Variants in LONRF3 observed in about 807,000 individuals in gnomAD.
LONRF3 encodes LON peptidase N-terminal domain and RING finger protein 3.
LONRF3 carries 19 observed loss-of-function variants against 51.7 expected under a neutral mutation model. The observed-to-expected ratio is 0.37, with a 90% CI of 0.26 to 0.54. The LOEUF is 0.54. LONRF3 is among the 20% of genes least tolerant of loss of function. The probability of loss-of-function intolerance (pLI) is 0.86; values close to 1 mark genes in which losing one functional copy is unlikely to be tolerated. For missense variants in LONRF3, 521 were observed against 623.9 expected (o/e 0.84, Z 1.76); for synonymous variants, 265 against 257.8 (o/e 1.03, Z -0.27).
At chrX:118,986,310 G>A (rs1179631543) in intron 3 of LONRF3, among the ~76,000 whole-genome samples, 1 of 112,035 alleles carries the variant, frequency 8.9e-6, no homozygotes, top group African/African-American at 3.2e-5. Context: ...GTTGGGAGAA[G>A]AGGGAGGAAG....
intron 6 of LONRF3, among the ~76,000 whole-genome samples, chrX:119,006,661 C>G (rs1426923732): frequency 1.8e-5 from 2 of 111,313 alleles, no homozygotes; most frequent in Non-Finnish European, 3.8e-5. Context: ...GATCTCCACT[C>G]ACTGCAAGCT....
At chrX:118,993,895 C>T (rs1923614052) in intron 5 of LONRF3, among the ~76,000 whole-genome samples, 1 of 111,988 alleles carries the variant, frequency 8.9e-6, no homozygotes, top group African/African-American at 3.2e-5. Context: ...AAAACAATTA[C>T]CAGCCAAGAA....
At chrX:119,007,103 C>G (rs1372088819) in intron 6 of LONRF3, among the ~76,000 whole-genome samples, 3 of 112,487 alleles carry the variant, frequency 2.7e-5, no homozygotes, top group African/African-American at 9.7e-5. Context: ...GCTTTTTATG[C>G]AGTGTAAGTA....
Position 119,012,766 on chromosome X carries a change from T to C in LONRF3, c.1812-273T>C, listed in dbSNP as rs771387922. ...TTACAATAGCAATTAAATTTCAAAATGGGTTGTAGAGGAGGCAAACATTCA... is the reference window on the plus strand; with the variant it reads ...TTACAATAGCAATTAAATTTCAAAACGGGTTGTAGAGGAGGCAAACATTCA... On this transcript the variant is annotated intron_variant, in intron 8 of 10. Coordinates refer to ENST00000371628, the MANE Select transcript of LONRF3 (RefSeq NM_001031855.3). 8.4e-5 allele frequency: 44 copies of C among 524,569 alleles called. No individual in the cohort carries two copies. In the South Asian group the frequency reaches 1.4e-3, roughly 17 times the overall value. 43.2% of individuals were successfully genotyped at this position (524,569 alleles called of 1,213,427 possible). A position where few individuals can be genotyped will look rare whatever the true frequency, so the allele number is the denominator to read the frequency against.
chrX:119,017,663 G>A lies in LONRF3; in HGVS notation c.2253G>A (p.Leu751=), dbSNP rs1176040964. The A allele has an allele frequency of 8.3e-7, 1 of 1,198,327 alleles. No individual in the cohort carries two copies. The highest frequency in any genetic ancestry group is 2.2e-5 in the Admixed American group (1 of 44,639). The change falls in exon 11 of 11, where the codon CTG becomes CTA. Residue 751 remains leucine (L), a synonymous_variant. Transcript: ENST00000371628. ...GACTGAATGGTATTCGACGAGTCCT[G>A]GCCTTCATATCCCGAAACCAAAACT... ...KDRLNGIRRV[L]AFISRNQN
At position 119,000,775 on chromosome X, in the gene LONRF3, TTCTCTCTCTCTC is replaced by T. The variant is rs200671696; in HGVS notation, c.1416-5293_1416-5282del. ...TAAGGATCTTGTCAGTTCACTCTCATTCTCTCTCTCTCTCTCTCTCTCTCTCTCTCTCTCTCT... is the reference window on the plus strand; with the variant it reads ...TAAGGATCTTGTCAGTTCACTCTCATTCTCTCTCTCTCTCTCTCTCTCTCT... On this transcript the variant is annotated intron_variant, in intron 5 of 10. Transcript: ENST00000371628. 1.3e-3 allele frequency among the ~76,000 whole-genome samples: 70 copies of T among 55,835 alleles called. 1 individual carries two copies. Among genetic ancestry groups the T allele is most frequent in the East Asian group, 0.01 (15 of 1,464 alleles). 48.5% of individuals were successfully genotyped at this position (55,835 alleles called of 115,157 possible).
At chrX:119,012,004 G>T (rs1017460637) in intron 8 of LONRF3, 31 bp downstream of exon 8, 1 of 1,200,536 alleles carries the variant, frequency 8.3e-7, no homozygotes, top group African/African-American at 1.8e-5. Context: ...GCAAAGGGAG[G>T]TTGTGTAATG....
Position 118,974,962 on chromosome X carries a change from G to A in LONRF3, c.182G>A (p.Gly61Glu). 8.5e-7 allele frequency: 1 copy of A among 1,177,188 alleles called. No homozygotes were observed. Among genetic ancestry groups the A allele is most frequent in the East Asian group, 3.2e-5 (1 of 31,726 alleles). ...TREPEQEQSP[G>E]TSTPESKVLL... ...GAGCCAGAGCAAGAGCAGTCTCCGG[G>A]GACCTCAACGCCGGAGAGCAAAGTC... Residue 61 changes from glycine to glutamate, a missense_variant, in exon 1 of 11, where the codon GGG (glycine) becomes GAG (glutamate). Transcript: ENST00000371628.
intron 2 of LONRF3, among the ~76,000 whole-genome samples, chrX:118,979,121 C>T (rs1377819402): frequency 1.9e-5 from 2 of 106,969 alleles, no homozygotes; most frequent in South Asian, 4.2e-4. Flanking sequence ...CTGCCTCAGC[C>T]TCCTGAGTAG....
At position 119,017,800 on chromosome X, in the gene LONRF3, A is replaced by G; in HGVS notation, c.*110A>G. 1 of 723,180 alleles carries G rather than the reference A, an allele frequency of 1.4e-6. No individual in the cohort carries two copies. 59.6% of individuals were successfully genotyped at this position (723,180 alleles called of 1,213,427 possible). On this transcript the variant is annotated 3_prime_UTR_variant, in exon 11 of 11. Transcript: ENST00000371628. ...ATCTTAACAGAAGGGGGTGTCAAAC[A>G]GAGGCATCAGCCTGCTGTTGATCAC...
At chrX:118,995,462 C>T (rs149016389) in intron 5 of LONRF3, among the ~76,000 whole-genome samples, 5,674 of 111,418 alleles carry the variant, frequency 0.051, 136 homozygotes, top group Non-Finnish European at 0.077. Context: ...CAAACTCAAA[C>T]CCAGCAGAAT....
chrX:119,006,010 C>G (rs1046018599), intron 5 of LONRF3, 111 bp from the exon 6 acceptor site: 8 of 434,163 alleles, frequency 1.8e-5, no homozygotes, highest in Non-Finnish European at 3.2e-5. Context: ...AAAAAGAACT[C>G]CTCCCCCACC....
At chrX:118,988,912 G>T (rs2147277660) in intron 3 of LONRF3, among the ~76,000 whole-genome samples, 1 of 109,491 alleles carries the variant, frequency 9.1e-6, no homozygotes, top group East Asian at 2.9e-4. Context: ...AACTTGGCAG[G>T]CCTGTGAACA....
chrX:119,017,846 G>A lies in LONRF3; in HGVS notation c.*156G>A. ...ATCACAGAGAGAAATTGAGTAGAAA[G>A]ACCAAAAGAATGTGACCTATTTGAA... On this transcript the variant is annotated 3_prime_UTR_variant, in exon 11 of 11. Coordinates refer to ENST00000371628, the MANE Select transcript of LONRF3 (RefSeq NM_001031855.3). The A allele has an allele frequency of 2.2e-6, 1 of 453,036 alleles. No homozygotes were observed. The highest frequency in any genetic ancestry group is 6.5e-5 in the South Asian group (1 of 15,476). 37.3% of individuals were successfully genotyped at this position (453,036 alleles called of 1,213,427 possible). A position where few individuals can be genotyped will look rare whatever the true frequency, so the allele number is the denominator to read the frequency against.
chrX:119,015,662 A>G (rs140267054), intron 10 of LONRF3, among the ~76,000 whole-genome samples: 223 of 112,399 alleles, frequency 2.0e-3, no homozygotes, highest in African/African-American at 6.4e-3. Context: ...AAAGATACAG[A>G]TCAGCAATGG....
At position 119,017,808 on chromosome X, in the gene LONRF3, C is replaced by G; in HGVS notation, c.*118C>G. On this transcript the variant is annotated 3_prime_UTR_variant, in exon 11 of 11. Transcript: ENST00000371628. ...AGAAGGGGGTGTCAAACAGAGGCAT[C>G]AGCCTGCTGTTGATCACAGAGAGAA... 1.5e-6 allele frequency: 1 copy of G among 671,425 alleles called. No homozygotes were observed. Among genetic ancestry groups the G allele is most frequent in the Admixed American group, 3.9e-5 (1 of 25,443 alleles). The allele number at this position is 671,425 out of a possible 1,213,427, so 55.3% of individuals were successfully genotyped here.
chrX:118,990,367 G>A, intron 4 of LONRF3, 103 bp from the exon 5 acceptor site: 3 of 599,650 alleles, frequency 5.0e-6, no homozygotes, highest in Non-Finnish European at 8.3e-6. Context: ...AGGTGGTGGT[G>A]AGAGTGGCAA....
chrX:118,975,132 G>A lies in LONRF3; in HGVS notation c.352G>A (p.Gly118Ser). Reference protein sequence around the residue: ...VRCLAEKVPQGEALAPAPPDE... With the variant: ...VRCLAEKVPQSEALAPAPPDE... ...CTGCCTGGCGGAGAAAGTCCCGCAAGGCGAGGCGCTGGCGCCGGCGCCCCC... is the reference window on the plus strand; with the variant it reads ...CTGCCTGGCGGAGAAAGTCCCGCAAAGCGAGGCGCTGGCGCCGGCGCCCCC... Residue 118 changes from glycine to serine, a missense_variant, in exon 1 of 11, where the codon GGC becomes AGC. By Grantham distance (56) the Gly-to-Ser change is moderately conservative. Around this residue, in one of 2 missense-constraint regions of LONRF3, gnomAD observed 376 missense variants for 376.7 expected, o/e 1.00. Coordinates refer to ENST00000371628, the MANE Select transcript of LONRF3 (RefSeq NM_001031855.3). 2 of 1,169,626 alleles carry A rather than the reference G, an allele frequency of 1.7e-6. No homozygotes were observed. The highest frequency in any genetic ancestry group is 2.3e-6 in the Non-Finnish European group (2 of 874,754).
intron 6 of LONRF3, 45 bp from the exon 7 acceptor site, chrX:119,009,081 C>T (rs1249662401): frequency 4.5e-5 from 50 of 1,118,696 alleles, no homozygotes; most frequent in Non-Finnish European, 5.5e-5. Context: ...CTGATTGCTA[C>T]GTATTACCTA....
Sources: gnomAD v4.1 joint callset for allele counts (sites outside exome capture counted in the v4.1 genomes callset) on GRCh38, gnomAD v4.1.1 for gene constraint, gnomAD v4.1.1 regional missense constraint, MANE v1.5 for transcripts, NCBI Gene and HGNC (gene_info 2026-07-23, HGNC 2026-07-21) for gene names.